The following GRM3 variants were observed in gnomAD, a reference collection of about 807,000 sequenced individuals.
GRM3 encodes the protein metabotropic glutamate receptor 3.
GRM3 carries 26 observed loss-of-function variants against 70.5 expected under a neutral mutation model. The ratio of observed to expected loss-of-function variants is 0.37; its 90% CI spans 0.27 to 0.51. The LOEUF is 0.51. Among genes scored for constraint, GRM3 ranks in the 20% least tolerant of loss-of-function variants. The pLI is 0.93. For missense variants in GRM3, 859 were observed against 1,123.8 expected (o/e 0.76, Z 3.37); for synonymous variants, 443 against 434.9 (o/e 1.02, Z -0.23).
At chr7:86,694,958 G>A (rs530770564) in intron 1 of GRM3, among the ~76,000 whole-genome samples, 70 of 152,248 alleles carry the variant, frequency 4.6e-4, no homozygotes, top group African/African-American at 1.6e-3. Flanking sequence ...GAAGATCAAG[G>A]GTTCCCTTTC....
At chr7:86,676,946 A>G (rs1219750177) in intron 1 of GRM3, among the ~76,000 whole-genome samples, 1 of 152,018 alleles carries the variant, frequency 6.6e-6, no homozygotes, top group Non-Finnish European at 1.5e-5. Flanking sequence ...TACCTTTTCT[A>G]CAGTTTAGTC....
chr7:86,741,753 C>T (rs972700733), intron 1 of GRM3, among the ~76,000 whole-genome samples: 5 of 152,098 alleles, frequency 3.3e-5, no homozygotes, highest in Non-Finnish European at 7.3e-5. Context: ...AAATATCCAG[C>T]TCTGGAATAG....
chr7:86,791,349 G>C (rs1183440806), intron 3 of GRM3, among the ~76,000 whole-genome samples: 8 of 152,174 alleles, frequency 5.3e-5, no homozygotes, highest in Admixed American at 5.2e-4. Flanking sequence ...TGAATGTCAA[G>C]AAAGGAAAGT....
Position 86,787,087 on chromosome 7 carries a change from A to C in GRM3, c.1295A>C (p.Lys432Thr). 1 of 1,606,062 alleles carries C rather than the reference A, an allele frequency of 6.2e-7. No homozygotes were observed. Among genetic ancestry groups the C allele is most frequent in the Middle Eastern group, 1.7e-4 (1 of 6,042 alleles). The change falls in exon 3 of 6, where the codon AAG becomes ACG. Residue 432 changes from lysine to threonine, a missense_variant. Transcript: ENST00000361669. ...ATCCTGGATGGGAAGAAGTTGTACA[A>C]GGATTACTTGCTGAAAATCAACTTC... ...MKILDGKKLY[K>T]DYLLKINFTA... is the part of the protein sequence containing the mutation.
At chr7:86,857,803 GA>G in intron 5 of GRM3, among the ~76,000 whole-genome samples, 1 of 152,116 alleles carries the variant, frequency 6.6e-6, no homozygotes, top group East Asian at 1.9e-4. Context: ...GCAACTAAGA[GA>G]GTGAAAAGAA....
chr7:86,806,697 C>T lies in GRM3; in HGVS notation c.1324+19581C>T, dbSNP rs1339155162. 2.0e-5 allele frequency among the ~76,000 whole-genome samples: 3 copies of T among 152,102 alleles called. No individual in the cohort carries two copies. In the South Asian group the frequency reaches 6.2e-4, roughly 32 times the overall value. ...AAATTTTCTCCCATTCTGTAGGTTG[C>T]CTGTTCACTCTGATGGTAGTTTCCT... On this transcript the variant is annotated intron_variant, in intron 3 of 5. Transcript: ENST00000361669.
At chr7:86,654,048 C>T (rs774925214) in intron 1 of GRM3, among the ~76,000 whole-genome samples, 5 of 152,162 alleles carry the variant, frequency 3.3e-5, no homozygotes, top group African/African-American at 1.2e-4. Context: ...ATTCTTCACT[C>T]AGCGTCCACT....
chr7:86,797,106 A>G (rs1200029037), intron 3 of GRM3, among the ~76,000 whole-genome samples: 3 of 152,204 alleles, frequency 2.0e-5, no homozygotes, highest in Admixed American at 2.0e-4. Context: ...TAACCGAGTG[A>G]AAATGAATTA....
chr7:86,784,372 T>C (rs1270560792), intron 2 of GRM3: 1 of 152,138 alleles, frequency 6.6e-6, no homozygotes, highest in Non-Finnish European at 1.5e-5. Context: ...GGGGTTCAGG[T>C]CCTGATTAAT....
At chr7:86,776,149 CA>C (rs1453652270) in intron 2 of GRM3, 1 of 152,180 alleles carries the variant, frequency 6.6e-6, no homozygotes, top group East Asian at 1.9e-4. Flanking sequence ...GCTTCTTGAG[CA>C]TTTACTACAT....
rs747239066 is a variant in GRM3, at chr7:86,765,264, T to A, written c.119T>A (p.Val40Asp). 6.2e-7 allele frequency: 1 copy of A among 1,613,650 alleles called. No individual in the cohort carries two copies. The highest frequency in any genetic ancestry group is 8.5e-7 in the Non-Finnish European group (1 of 1,179,836). Residue 40 changes from valine (V) to aspartate (D), a missense_variant, in exon 2 of 6, where the codon GTT becomes GAT. Val to Asp is a radical substitution (Grantham distance 152, BLOSUM62 -3). Transcript: ENST00000361669. Reference protein sequence around the residue: ...RREIKIEGDLVLGGLFPINEK... With the variant: ...RREIKIEGDLDLGGLFPINEK... ...GAGATTAAAATAGAAGGTGACCTTG[T>A]TTTAGGGGGCCTGTTTCCTATTAAC...
chr7:86,788,242 T>A (rs539994097), intron 3 of GRM3, among the ~76,000 whole-genome samples: 34 of 152,270 alleles, frequency 2.2e-4, no homozygotes, highest in African/African-American at 8.2e-4. Flanking sequence ...ACATCTCCCT[T>A]ATAAGTGGTC....
chr7:86,762,608 C>A (rs1355272279), intron 1 of GRM3, among the ~76,000 whole-genome samples: 1 of 151,972 alleles, frequency 6.6e-6, no homozygotes, highest in African/African-American at 2.4e-5. Context: ...CACAAGAAAA[C>A]AAATATAAAT....
At chr7:86,804,484 A>G (rs542930143) in intron 3 of GRM3, among the ~76,000 whole-genome samples, 185 of 152,276 alleles carry the variant, frequency 1.2e-3, no homozygotes, top group Non-Finnish European at 1.8e-3. Flanking sequence ...ATCTCGGCTC[A>G]CTGCAACCTC....
chr7:86,713,498 A>G (rs751656335), intron 1 of GRM3, among the ~76,000 whole-genome samples: 1 of 151,836 alleles, frequency 6.6e-6, no homozygotes, highest in East Asian at 1.9e-4. Context: ...TGAAAGCCCC[A>G]TATTTTCTCC....
chr7:86,743,102 C>A (rs1026801331), intron 1 of GRM3, among the ~76,000 whole-genome samples: 2 of 152,122 alleles, frequency 1.3e-5, no homozygotes, highest in African/African-American at 2.4e-5. Flanking sequence ...ACTCTTCTCA[C>A]TATGTTATAT....
chr7:86,688,788 GATATGAT>G (rs1794627026), intron 1 of GRM3, among the ~76,000 whole-genome samples: 1 of 146,896 alleles, frequency 6.8e-6, no homozygotes, highest in South Asian at 2.1e-4. Context: ...TGATATGAGA[GATATGAT>G]ATATATCTCT....
At chr7:86,702,563 A>T (rs546847482) in intron 1 of GRM3, among the ~76,000 whole-genome samples, 29 of 152,130 alleles carry the variant, frequency 1.9e-4, no homozygotes, top group African/African-American at 6.7e-4. Flanking sequence ...TATGAGCTTA[A>T]GTTCAGCTCT....
At chr7:86,840,690 G>C (rs1798542306) in intron 4 of GRM3, among the ~76,000 whole-genome samples, 1 of 152,030 alleles carries the variant, frequency 6.6e-6, no homozygotes, top group African/African-American at 2.4e-5. Context: ...CTTACAATGA[G>C]TGAGTATAAG....
Sources: gnomAD v4.1 joint callset for allele counts (sites outside exome capture counted in the v4.1 genomes callset) on GRCh38, gnomAD v4.1.1 for gene constraint, MANE v1.5 for transcripts, NCBI Gene and HGNC (gene_info 2026-07-23, HGNC 2026-07-21) for gene names.